CDK14: variants seen among roughly 807,000 people sequenced by gnomAD.
CDK14 encodes the protein cyclin-dependent kinase 14.
CDK14 carries 34 observed loss-of-function variants against 60.7 expected under a neutral mutation model. That is an observed-to-expected ratio of 0.56 (90% confidence interval 0.43 to 0.75). The LOEUF is 0.75. CDK14 is among the 30% of genes least tolerant of loss of function. CDK14 has a pLI of 0.00. For missense variants in CDK14, 482 were observed against 564.1 expected, an observed-to-expected ratio of 0.85 and a Z score of 1.47; for synonymous variants, 197 against 203.7, an observed-to-expected ratio of 0.97 and a Z score of 0.28.
chr7:91,190,327 G>C (rs1802321595), intron 14 of CDK14, among the ~76,000 whole-genome samples: 1 of 152,196 alleles, frequency 6.6e-6, no homozygotes, highest in African/African-American at 2.4e-5. Flanking sequence ...GGTCAGGACA[G>C]GTCAAATGGC....
At chr7:90,661,166 G>A (rs1800858510) in intron 2 of CDK14, among the ~76,000 whole-genome samples, 2 of 152,226 alleles carry the variant, frequency 1.3e-5, no homozygotes, top group Admixed American at 6.5e-5. Context: ...CAAGAGTCCT[G>A]TGGAAATTCT....
At chr7:90,835,244 T>C (rs1055563429) in intron 5 of CDK14, among the ~76,000 whole-genome samples, 3 of 152,008 alleles carry the variant, frequency 2.0e-5, no homozygotes, top group African/African-American at 7.2e-5. Context: ...TTTGTAAGGA[T>C]TGGGATCTTA....
chr7:91,203,373 G>A (rs1802787734), intron 14 of CDK14, among the ~76,000 whole-genome samples: 1 of 152,124 alleles, frequency 6.6e-6, no homozygotes, highest in Non-Finnish European at 1.5e-5. Flanking sequence ...CCTGAGCCGG[G>A]CCTGGGCTGT....
intron 3 of CDK14, among the ~76,000 whole-genome samples, chr7:90,741,016 T>A (rs1185018888): frequency 6.6e-6 from 1 of 152,216 alleles, no homozygotes; most frequent in African/African-American, 2.4e-5. Context: ...GCAAGAATTC[T>A]ATTTTTGGTC....
intron 4 of CDK14, among the ~76,000 whole-genome samples, chr7:90,760,718 T>C (rs1804278854): frequency 6.6e-6 from 1 of 152,182 alleles, no homozygotes; most frequent in African/African-American, 2.4e-5. Context: ...TCAGTGTTAG[T>C]TTTATAATTT....
intron 10 of CDK14, among the ~76,000 whole-genome samples, chr7:90,994,740 A>G (rs1795633250): frequency 6.6e-6 from 1 of 152,162 alleles, no homozygotes; most frequent in South Asian, 2.1e-4. Flanking sequence ...GAGGTCCCTC[A>G]TTTGCTCACC....
chr7:90,633,191 G>C (rs138968255), intron 2 of CDK14, among the ~76,000 whole-genome samples: 1 of 151,812 alleles, frequency 6.6e-6, no homozygotes, highest in Admixed American at 6.6e-5. Context: ...GTTCATTTAC[G>C]TAAGTATGGA....
chr7:90,600,080 G>C (rs1010605024), intron 1 of CDK14, among the ~76,000 whole-genome samples: 1 of 152,132 alleles, frequency 6.6e-6, no homozygotes, highest in Non-Finnish European at 1.5e-5. Flanking sequence ...ACATCTGCCA[G>C]GGAATGACTA....
At chr7:90,914,194 C>T (rs1792996663) in intron 7 of CDK14, among the ~76,000 whole-genome samples, 1 of 152,146 alleles carries the variant, frequency 6.6e-6, no homozygotes, top group South Asian at 2.1e-4. Flanking sequence ...CTACTGAATG[C>T]TCAACTCGTT....
At chr7:91,020,359 C>T (rs1705374383) in intron 10 of CDK14, among the ~76,000 whole-genome samples, 1 of 152,194 alleles carries the variant, frequency 6.6e-6, no homozygotes, top group Admixed American at 6.5e-5. Context: ...TTCGTGCATG[C>T]AACCAATATT....
chr7:90,634,938 G>T (rs1304104351), intron 2 of CDK14, among the ~76,000 whole-genome samples: 2 of 152,168 alleles, frequency 1.3e-5, no homozygotes, highest in Non-Finnish European at 2.9e-5. Context: ...CTTCTTTTGA[G>T]AAGTGTCTGT....
intron 8 of CDK14, among the ~76,000 whole-genome samples, chr7:90,926,785 A>C (rs1020725955): frequency 6.6e-6 from 1 of 152,128 alleles, no homozygotes; most frequent in Non-Finnish European, 1.5e-5. Context: ...AGTCTGCAAG[A>C]CTACCTCCGC....
At chr7:90,645,598 C>CT (rs571393069) in intron 2 of CDK14, among the ~76,000 whole-genome samples, 7 of 150,384 alleles carry the variant, frequency 4.7e-5, no homozygotes, top group East Asian at 1.9e-4. Context: ...TATTTTCCTC[C>CT]TTTTTTTTTA....
intron 5 of CDK14, among the ~76,000 whole-genome samples, chr7:90,813,983 A>C (rs1460117621): frequency 6.6e-6 from 1 of 152,198 alleles, no homozygotes; most frequent in African/African-American, 2.4e-5. Flanking sequence ...AAAAAAGAAG[A>C]AAATTCAAGT....
chr7:90,968,303 A>G (rs948227516), intron 9 of CDK14, among the ~76,000 whole-genome samples: 14 of 152,354 alleles, frequency 9.2e-5, no homozygotes, highest in African/African-American at 3.4e-4. Context: ...TAGTTGAAAA[A>G]GAACTAAACT....
At chr7:91,078,471 G>GCAGCA (rs1454694752) in intron 11 of CDK14, among the ~76,000 whole-genome samples, 1 of 152,134 alleles carries the variant, frequency 6.6e-6, no homozygotes, top group Admixed American at 6.5e-5. Context: ...GCTGGGTGTG[G>GCAGCA]CAGCACATGC....
chr7:91,083,498 G>T (rs1438576800), intron 12 of CDK14, among the ~76,000 whole-genome samples: 1 of 152,140 alleles, frequency 6.6e-6, no homozygotes, highest in Admixed American at 6.5e-5. Flanking sequence ...GCCATACATA[G>T]TATTGTTTGG....
chr7:91,130,463 G>C (rs2116422486), intron 14 of CDK14, among the ~76,000 whole-genome samples: 1 of 152,182 alleles, frequency 6.6e-6, no homozygotes, highest in East Asian at 1.9e-4. Flanking sequence ...AGAGTCTTAA[G>C]GGGTCCTAAG....
chr7:90,869,092 A>G (rs565980735), intron 6 of CDK14, among the ~76,000 whole-genome samples: 1 of 152,236 alleles, frequency 6.6e-6, no homozygotes, highest in Admixed American at 6.5e-5. Context: ...TCTGTGAAGA[A>G]TGCTGTGATT....
Sources: allele counts gnomAD v4.1 joint callset (sites outside exome capture counted in the v4.1 genomes callset), GRCh38; gene constraint gnomAD v4.1.1; transcripts MANE v1.5; gene names NCBI Gene and HGNC (gene_info 2026-07-23, HGNC 2026-07-21).